The following ATF7IP variants were observed in gnomAD, a reference collection of about 807,000 sequenced individuals.
The protein encoded by ATF7IP is activating transcription factor 7-interacting protein 1.
Under a neutral mutation model 106.4 loss-of-function variants are expected in ATF7IP, and 23 were observed. That is an observed-to-expected ratio of 0.22 (90% CI 0.16 to 0.31). The LOEUF (loss-of-function observed/expected upper bound fraction) is 0.31. Ranked by LOEUF, ATF7IP falls within the 10% of genes least tolerant of loss-of-function variation. The pLI is 1.00. For synonymous variants in ATF7IP, 542 were observed against 539.0 expected (o/e 1.01, Z -0.08); for missense variants, 1,334 against 1,524.3 (o/e 0.88, Z 2.08).
chr12:14,396,501 T>G (rs983627281), intron 1 of ATF7IP, among the ~76,000 whole-genome samples: 9 of 152,124 alleles, frequency 5.9e-5, no homozygotes, highest in Admixed American at 5.9e-4. Context: ...ATGTTTCATC[T>G]CAGTAAACAA....
At chr12:14,452,314 T>C (rs1387387212) in intron 6 of ATF7IP, among the ~76,000 whole-genome samples, 1 of 152,212 alleles carries the variant, frequency 6.6e-6, no homozygotes, top group Non-Finnish European at 1.5e-5. Context: ...TGTCGTTTGA[T>C]TGGAGAATTT....
chr12:14,438,113 A>T lies in ATF7IP; in HGVS notation c.1792-17A>T. The T allele has an allele frequency of 6.2e-7, 1 of 1,604,962 alleles. No homozygotes were observed. Among genetic ancestry groups the T allele is most frequent in the Non-Finnish European group, 8.5e-7 (1 of 1,176,188 alleles). ...GAATGCCTTCTTGGCATAATGAAGG[A>T]ATATTTGTTTCTTTAGGTTATACAG... On this transcript the variant is annotated splice_polypyrimidine_tract_variant and intron_variant, in intron 4 of 14. Transcript: ENST00000261168.
chr12:14,366,911 T>G (rs1045043647), intron 1 of ATF7IP, among the ~76,000 whole-genome samples: 10 of 152,214 alleles, frequency 6.6e-5, no homozygotes, highest in Middle Eastern at 3.2e-3. Context: ...GATTTTTTAA[T>G]TGTAAGTGTG....
chr12:14,419,804 G>A (rs556376271), intron 1 of ATF7IP, among the ~76,000 whole-genome samples: 4 of 152,086 alleles, frequency 2.6e-5, no homozygotes, highest in South Asian at 4.2e-4. Context: ...TATACATTTT[G>A]TATTAAGGTT....
At chr12:14,466,027 G>A (rs1041124871) in intron 9 of ATF7IP, 5 of 152,108 alleles carry the variant, frequency 3.3e-5, no homozygotes, top group African/African-American at 9.7e-5. Flanking sequence ...TTTTAACTGC[G>A]AACTCATTAC....
At chr12:14,475,195 A>G (rs539314898) in intron 10 of ATF7IP, among the ~76,000 whole-genome samples, 41 of 152,318 alleles carry the variant, frequency 2.7e-4, no homozygotes, top group African/African-American at 8.9e-4. Context: ...TAATCCTCAC[A>G]ATAGCCTCAA....
chr12:14,485,041 C>T (rs1208232848), intron 13 of ATF7IP, among the ~76,000 whole-genome samples: 1 of 152,040 alleles, frequency 6.6e-6, no homozygotes, highest in African/African-American at 2.4e-5. Flanking sequence ...ATCCTGGAGG[C>T]CTCCACTGTG....
intron 6 of ATF7IP, among the ~76,000 whole-genome samples, chr12:14,448,928 T>C (rs1462183046): frequency 6.6e-6 from 1 of 152,208 alleles, no homozygotes. Flanking sequence ...TTCATATGCT[T>C]GTTGGCCATT....
rs568290693 is a variant in ATF7IP, at chr12:14,464,282, G to A, written c.2798-2244G>A. 1.3e-3 allele frequency among the ~76,000 whole-genome samples: 198 copies of A among 152,324 alleles called. 1 individual carries two copies. Among genetic ancestry groups the A allele is most frequent in the African/African-American group, 4.5e-3 (188 of 41,574 alleles). On this transcript the variant is annotated intron_variant, in intron 9 of 14. Transcript: ENST00000261168. Reference sequence around the variant, plus strand: ...CAAGGCTGCAGTGAGCCATGGTCGTGCCACTGCACTCCAGCCTGGGCAACA... The same window carrying A: ...CAAGGCTGCAGTGAGCCATGGTCGTACCACTGCACTCCAGCCTGGGCAACA...
chr12:14,495,983 C>T (rs1944999937), intron 13 of ATF7IP, among the ~76,000 whole-genome samples: 1 of 152,132 alleles, frequency 6.6e-6, no homozygotes, highest in South Asian at 2.1e-4. Context: ...ACATATTCTC[C>T]ATTGACTATT....
At chr12:14,436,866 CTG>C (rs1442532136) in intron 4 of ATF7IP, among the ~76,000 whole-genome samples, 1 of 151,216 alleles carries the variant, frequency 6.6e-6, no homozygotes, top group Non-Finnish European at 1.5e-5. Flanking sequence ...GGTAACAAAA[CTG>C]AATGTTGTTT....
At chr12:14,384,669 T>G (rs747959352) in intron 1 of ATF7IP, among the ~76,000 whole-genome samples, 1 of 152,170 alleles carries the variant, frequency 6.6e-6, no homozygotes, top group Admixed American at 6.5e-5. Context: ...CTAGAGATTC[T>G]GTTATCAAGG....
chr12:14,418,837 A>T (rs1941342701), intron 1 of ATF7IP, among the ~76,000 whole-genome samples: 1 of 152,176 alleles, frequency 6.6e-6, no homozygotes, highest in Admixed American at 6.5e-5. Flanking sequence ...CTTTATTATT[A>T]CTGAAGTTAA....
chr12:14,457,418 A>G lies in ATF7IP; in HGVS notation c.2158+123A>G, dbSNP rs1348531567. On this transcript the variant is annotated intron_variant, in intron 8 of 14. Transcript: ENST00000261168. ...ATTGGGCACATTGGTCTAAGTACAA[A>G]AATTTTGTTAAAAATTCAGGATCAA... The G allele has an allele frequency of 1.3e-5, 9 of 696,082 alleles. No individual in the cohort carries two copies. In the African/African-American group the frequency reaches 1.5e-4, roughly 11 times the overall value. 43.1% of individuals were successfully genotyped at this position (696,082 alleles called of 1,614,324 possible).
intron 9 of ATF7IP, among the ~76,000 whole-genome samples, chr12:14,462,033 G>A (rs571969557): frequency 1.3e-5 from 2 of 152,150 alleles, no homozygotes; most frequent in African/African-American, 4.8e-5. Context: ...CTCCCTAAGT[G>A]TTTTCTCATA....
At chr12:14,423,136 C>G (rs1941623890) in intron 1 of ATF7IP, among the ~76,000 whole-genome samples, 1 of 152,062 alleles carries the variant, frequency 6.6e-6, no homozygotes, top group Non-Finnish European at 1.5e-5. Flanking sequence ...TCCCTGATGT[C>G]TCATGATGTT....
Position 14,438,052 on chromosome 12 carries a change from C to T in ATF7IP, c.1792-78C>T, listed in dbSNP as rs547004592. On this transcript the variant is annotated intron_variant, in intron 4 of 14. Transcript: ENST00000261168. ...TGGGCGACAGAGCGAGACTCTGTCT[C>T]AAAAAAAAAGAATATTTACTGTTTA... 7 of 1,343,248 alleles carry T rather than the reference C, an allele frequency of 5.2e-6. No homozygotes were observed. In the East Asian group the frequency reaches 1.8e-4, roughly 35 times the overall value. The allele number at this position is 1,343,248 out of a possible 1,614,324, so 83.2% of individuals were successfully genotyped here.
chr12:14,461,288 G>A (rs746543166), intron 9 of ATF7IP, among the ~76,000 whole-genome samples, 155 bp downstream of exon 9: 28 of 152,202 alleles, frequency 1.8e-4, no homozygotes, highest in South Asian at 4.1e-4. Flanking sequence ...ATACCTGAGA[G>A]AAATGATGTT....
intron 1 of ATF7IP, among the ~76,000 whole-genome samples, chr12:14,418,660 G>A (rs1159442844): frequency 6.6e-6 from 1 of 152,128 alleles, no homozygotes; most frequent in Admixed American, 6.5e-5. Flanking sequence ...ACTGCTGATT[G>A]GTTTGTACAG....
Sources: gnomAD v4.1 joint callset for allele counts (sites outside exome capture counted in the v4.1 genomes callset) on GRCh38, gnomAD v4.1.1 for gene constraint, MANE v1.5 for transcripts, NCBI Gene and HGNC (gene_info 2026-07-23, HGNC 2026-07-21) for gene names.